Variants in WDR72 observed in about 807,000 individuals in gnomAD.
WDR72 encodes WD repeat domain 72.
WDR72 carries 120 observed loss-of-function variants against 124.2 expected under a neutral mutation model. The observed-to-expected ratio is 0.97, with a 90% CI of 0.83 to 1.12. The LOEUF is 1.12. Among genes scored for constraint, WDR72 ranks in the 50% most tolerant of loss-of-function variants. The pLI, the probability that WDR72 is intolerant of heterozygous loss-of-function variation, is 0.00. For synonymous variants in WDR72, 452 were observed against 441.7 expected (o/e 1.02, Z -0.29); for missense variants, 1,387 against 1,278.8 (o/e 1.08, Z -1.29).
In WDR72 at chr15:53,616,262, T is replaced by C. The variant is rs377509506; in HGVS notation, c.1963-19A>G. ...CAGTAACCTAAGGGAACAAAAAATA[T>C]TTGTGTCAAAGTTCTTGCTTATTAT... On this transcript the variant is annotated intron_variant, in intron 14 of 19. Coordinates refer to ENST00000360509, the MANE Select transcript of WDR72 (RefSeq NM_182758.4). 886 of 1,580,708 alleles carry C rather than the reference T, an allele frequency of 5.6e-4. 6 individuals carry two copies. Among genetic ancestry groups the C allele is most frequent in the South Asian group, 2.7e-3 (244 of 90,366 alleles).
chr15:53,664,484 C>T (rs34171447), intron 14 of WDR72, among the ~76,000 whole-genome samples: 6,453 of 151,592 alleles, frequency 0.043, 177 homozygotes, highest in Non-Finnish European at 0.053. Flanking sequence ...GCTTTAATGG[C>T]CCATTGGCCT....
intron 18 of WDR72, among the ~76,000 whole-genome samples, chr15:53,582,937 C>T (rs145963668): frequency 6.6e-6 from 1 of 151,982 alleles, no homozygotes; most frequent in South Asian, 2.1e-4. Context: ...AAATGAACCA[C>T]TGGAAATATA....
intron 11 of WDR72, among the ~76,000 whole-genome samples, chr15:53,702,890 T>G (rs922370188): frequency 1.4e-5 from 2 of 141,516 alleles, no homozygotes; most frequent in African/African-American, 5.4e-5. Flanking sequence ...AGAATATTAC[T>G]TATTTTCATT....
intron 14 of WDR72, among the ~76,000 whole-genome samples, chr15:53,618,375 C>T (rs2013853408): frequency 6.6e-6 from 1 of 151,918 alleles, no homozygotes; most frequent in South Asian, 2.1e-4. Context: ...GTTTATATTA[C>T]TTGCCTATCA....
At chr15:53,661,388 A>G (rs959272098) in intron 14 of WDR72, among the ~76,000 whole-genome samples, 3 of 152,144 alleles carry the variant, frequency 2.0e-5, no homozygotes, top group African/African-American at 4.8e-5. Flanking sequence ...GAGACAGGAG[A>G]GGGAGGAGCT....
At chr15:53,703,853 T>C (rs1213631183) in intron 11 of WDR72, among the ~76,000 whole-genome samples, 1 of 152,220 alleles carries the variant, frequency 6.6e-6, no homozygotes. Context: ...CCTCACTTTT[T>C]ATCTCCTAAC....
intron 14 of WDR72, among the ~76,000 whole-genome samples, chr15:53,660,488 C>T (rs1401995013): frequency 1.3e-5 from 2 of 151,956 alleles, no homozygotes; most frequent in African/African-American, 4.8e-5. Flanking sequence ...ACCAATACAC[C>T]AGCTGTTTTT....
intron 14 of WDR72, among the ~76,000 whole-genome samples, chr15:53,619,007 C>G (rs914531960): frequency 1.3e-5 from 2 of 151,806 alleles, no homozygotes; most frequent in Non-Finnish European, 2.9e-5. Flanking sequence ...TTAATATGTT[C>G]CTTAAATTGC....
At chr15:53,683,933 C>A (rs190354075) in intron 13 of WDR72, among the ~76,000 whole-genome samples, 1 of 152,058 alleles carries the variant, frequency 6.6e-6, no homozygotes, top group Non-Finnish European at 1.5e-5. Context: ...TTTTTTACAC[C>A]ATGAACCCCA....
At chr15:53,532,495 T>A (rs1892534599) in intron 18 of WDR72, among the ~76,000 whole-genome samples, 1 of 152,028 alleles carries the variant, frequency 6.6e-6, no homozygotes, top group African/African-American at 2.4e-5. Context: ...TGCAACCATA[T>A]GAATGGAACT....
chr15:53,578,874 C>G (rs936779420), intron 18 of WDR72, among the ~76,000 whole-genome samples: 1 of 152,074 alleles, frequency 6.6e-6, no homozygotes, highest in African/African-American at 2.4e-5. Flanking sequence ...GGTGACATTG[C>G]TGATAGCAAA....
rs1418869669 is a variant in WDR72, at chr15:53,516,950, T to A, written c.*749A>T. 6.6e-6 allele frequency: 1 copy of A among 152,050 alleles called. No homozygotes were observed. The highest frequency in any genetic ancestry group is 1.5e-5 in the Non-Finnish European group (1 of 67,942). The allele number at this position is 152,050 out of a possible 1,614,324, so 9.4% of individuals were successfully genotyped here. On this transcript the variant is annotated 3_prime_UTR_variant, in exon 20 of 20. Coordinates refer to ENST00000360509, the MANE Select transcript of WDR72 (RefSeq NM_182758.4). ...AAGACCTACAAGAGTTTATACTTAA[T>A]AAGGATCAATTGTGATATGCTGTAA...
intron 14 of WDR72, among the ~76,000 whole-genome samples, chr15:53,656,962 T>C (rs1483854709): frequency 1.3e-5 from 2 of 151,988 alleles, no homozygotes; most frequent in African/African-American, 4.8e-5. Context: ...AGAGGCTACA[T>C]GTTTTTAAAA....
At chr15:53,581,728 A>G (rs991523777) in intron 18 of WDR72, among the ~76,000 whole-genome samples, 1 of 152,080 alleles carries the variant, frequency 6.6e-6, no homozygotes, top group Admixed American at 6.6e-5. Context: ...ATTATGCAAC[A>G]ACATGTATGG....
chr15:53,684,945 G>C (rs78449794), intron 13 of WDR72, among the ~76,000 whole-genome samples: 3 of 152,142 alleles, frequency 2.0e-5, no homozygotes, highest in African/African-American at 7.2e-5. Context: ...CCCCTAGCAG[G>C]GGCACACTGA....
rs150657778 is a variant in WDR72, at chr15:53,705,470, AT to A, written c.1103-238del. On this transcript the variant is annotated intron_variant, in intron 10 of 19. Coordinates refer to ENST00000360509, the MANE Select transcript of WDR72 (RefSeq NM_182758.4). The stretch of plus-strand genomic sequence containing the variant: ...TGTGTGTGTTTTTAATTAAAAAAAA[AT>A]TTTTTTTTTGAGACCAAGTCTCACT... 0.2 allele frequency among the ~76,000 whole-genome samples: 29,502 copies of A among 150,470 alleles called. 3,313 individuals are homozygous for A. Among genetic ancestry groups the A allele is most frequent in the East Asian group, 0.45 (2,298 of 5,108 alleles).
At position 53,706,368 on chromosome 15, in the gene WDR72, A is replaced by G. The variant is rs1261809683; in HGVS notation, c.955-294T>C. ...TGTGTGTGTATATATATATATATAT[A>G]TATATATATATATATATATATATAT... On this transcript the variant is annotated intron_variant, in intron 9 of 19. Coordinates refer to ENST00000360509, the MANE Select transcript of WDR72 (RefSeq NM_182758.4). 1.4e-4 allele frequency among the ~76,000 whole-genome samples: 7 copies of G among 50,266 alleles called. No homozygotes were observed. The South Asian group carries it at 2.0e-3, about 14-fold the overall frequency. 33.0% of individuals were successfully genotyped at this position (50,266 alleles called of 152,430 possible). A position where few individuals can be genotyped will look rare whatever the true frequency, so the allele number is the denominator to read the frequency against.
chr15:53,577,844 T>A (rs1566967761), intron 18 of WDR72, among the ~76,000 whole-genome samples: 1 of 152,278 alleles, frequency 6.6e-6, no homozygotes, highest in Middle Eastern at 3.4e-3. Context: ...ATTATAATAG[T>A]TTGTTTTTAT....
At chr15:53,611,258 T>C (rs1292442068) in intron 16 of WDR72, among the ~76,000 whole-genome samples, 13 of 152,070 alleles carry the variant, frequency 8.5e-5, no homozygotes, top group Admixed American at 8.5e-4. Context: ...ATTATTTTTT[T>C]GAAAAACATG....
Sources: gnomAD v4.1 joint callset for allele counts (sites outside exome capture counted in the v4.1 genomes callset) on GRCh38, gnomAD v4.1.1 for gene constraint, MANE v1.5 for transcripts, NCBI Gene and HGNC (gene_info 2026-07-23, HGNC 2026-07-21) for gene names.